The following LRRTM4 variants were observed in gnomAD, a reference collection of about 807,000 sequenced individuals.
LRRTM4 encodes leucine rich repeat transmembrane neuronal 4.
Under a neutral mutation model 47.6 loss-of-function variants are expected in LRRTM4, and 25 were observed. The ratio of observed to expected loss-of-function variants is 0.53; its 90% CI spans 0.38 to 0.73. LRRTM4 has a LOEUF of 0.73. LRRTM4 is among the 30% of genes least tolerant of loss of function. The pLI is 0.00. For missense variants in LRRTM4, 638 were observed against 713.4 expected (o/e 0.89, Z 1.20); for synonymous variants, 311 against 269.5 (o/e 1.15, Z -1.51).
chr2:77,380,809 G>A (rs574128741), intron 3 of LRRTM4, among the ~76,000 whole-genome samples: 127 of 151,316 alleles, frequency 8.4e-4, no homozygotes, highest in Non-Finnish European at 1.6e-3. Flanking sequence ...AAAAAAAAAG[G>A]AAAAAGACTT....
intron 3 of LRRTM4, among the ~76,000 whole-genome samples, chr2:77,309,035 A>C (rs1677371716): frequency 6.6e-6 from 1 of 152,206 alleles, no homozygotes; most frequent in South Asian, 2.1e-4. Flanking sequence ...ATGTAAATAA[A>C]AGGAAGGCTG....
chr2:76,795,125 CAA>C lies in LRRTM4; in HGVS notation c.1552-46211_1552-46210del, dbSNP rs534283356. 2.4e-3 allele frequency among the ~76,000 whole-genome samples: 358 copies of C among 151,704 alleles called. 5 individuals carry two copies. The highest frequency in any genetic ancestry group is 8.3e-3 in the African/African-American group (343 of 41,370). On this transcript the variant is annotated intron_variant, in intron 3 of 3. Coordinates refer to ENST00000409884, the MANE Select transcript of LRRTM4 (RefSeq NM_001134745.3). ...TGCTCAATACCGAGAGATTTACTAA[CAA>C]TAATATTAAAGTGGACAAAATATAT...
intron 3 of LRRTM4, among the ~76,000 whole-genome samples, chr2:76,917,127 A>G (rs1674279370): frequency 6.6e-6 from 1 of 152,178 alleles, no homozygotes; most frequent in Non-Finnish European, 1.5e-5. Flanking sequence ...TGTGAATTGT[A>G]TAGTCTTTGT....
chr2:77,191,598 A>G (rs1673670975), intron 3 of LRRTM4, among the ~76,000 whole-genome samples: 1 of 151,940 alleles, frequency 6.6e-6, no homozygotes, highest in African/African-American at 2.4e-5. Context: ...TAAAAAGATT[A>G]CCATTATAAG....
intron 3 of LRRTM4, among the ~76,000 whole-genome samples, chr2:77,383,338 G>A (rs1673135380): frequency 6.6e-6 from 1 of 151,818 alleles, no homozygotes; most frequent in Admixed American, 6.6e-5. Flanking sequence ...CTTTTCCTGT[G>A]GGGTTTTCTG....
At chr2:77,424,457 G>A (rs745651682) in intron 3 of LRRTM4, among the ~76,000 whole-genome samples, 10 of 152,032 alleles carry the variant, frequency 6.6e-5, no homozygotes, top group Admixed American at 1.3e-4. Flanking sequence ...AGAAAATACC[G>A]GGTAAACTCT....
rs138014403 is a variant in LRRTM4, at chr2:77,333,113, C to T, written c.1551+185205G>A. Among the ~76,000 whole-genome samples, 182 of 152,310 alleles carry T rather than the reference C, an allele frequency of 1.2e-3. 1 individual carries two copies. Among genetic ancestry groups the T allele is most frequent in the African/African-American group, 4.2e-3 (173 of 41,570 alleles). On this transcript the variant is annotated intron_variant, in intron 3 of 3. Transcript: ENST00000409884. Reference sequence around the variant, plus strand: ...GTGACTTGCTCTTCTTTGCCTTTCACCTTCTGCCATTATTGTGAGGACTTC... The same window carrying T: ...GTGACTTGCTCTTCTTTGCCTTTCATCTTCTGCCATTATTGTGAGGACTTC...
intron 3 of LRRTM4, among the ~76,000 whole-genome samples, chr2:77,204,903 T>C: frequency 6.6e-6 from 1 of 152,184 alleles, no homozygotes; most frequent in Non-Finnish European, 1.5e-5. Flanking sequence ...ACCCATCAGA[T>C]ATAAAATCAG....
In LRRTM4 at chr2:76,748,179, T is replaced by A. The variant is rs1169802397; in HGVS notation, c.*516A>T. 1 of 152,594 alleles carries A rather than the reference T, an allele frequency of 6.6e-6. No homozygotes were observed. Among genetic ancestry groups the A allele is most frequent in the African/African-American group, 2.4e-5 (1 of 41,254 alleles). The allele number at this position is 152,594 out of a possible 1,614,324, so 9.5% of individuals were successfully genotyped here. On this transcript the variant is annotated 3_prime_UTR_variant, in exon 4 of 4. Transcript: ENST00000409884. ...GAAACTTGACCAGGAAAGAAAAAAATTAAAACAAACAAAACAAGAACAAAC... is the reference window on the plus strand; with the variant it reads ...GAAACTTGACCAGGAAAGAAAAAAAATAAAACAAACAAAACAAGAACAAAC...
intron 3 of LRRTM4, among the ~76,000 whole-genome samples, chr2:77,127,235 T>C: frequency 6.6e-6 from 1 of 152,244 alleles, no homozygotes; most frequent in Non-Finnish European, 1.5e-5. Context: ...CATAGGATTT[T>C]GAGCCCAAAA....
At chr2:77,462,635 G>A (rs1200557399) in intron 3 of LRRTM4, among the ~76,000 whole-genome samples, 2 of 152,048 alleles carry the variant, frequency 1.3e-5, no homozygotes, top group Admixed American at 6.6e-5. Context: ...CAGGTGGCAG[G>A]AAGATCTACC....
At chr2:77,252,461 T>C (rs1470076) in intron 3 of LRRTM4, among the ~76,000 whole-genome samples, 103,268 of 151,986 alleles carry the variant, frequency 0.68, 35,516 homozygotes, top group African/African-American at 0.8. Flanking sequence ...AGAAGACCCA[T>C]GCTATACTTG....
At chr2:77,426,933 G>C (rs966749432) in intron 3 of LRRTM4, among the ~76,000 whole-genome samples, 1 of 151,048 alleles carries the variant, frequency 6.6e-6, no homozygotes, top group South Asian at 2.1e-4. Flanking sequence ...ATGGATGGCT[G>C]CCTGTATTCC....
At chr2:76,929,922 AGTTTGTGT>A (rs1674713826) in intron 3 of LRRTM4, among the ~76,000 whole-genome samples, 1 of 102,286 alleles carries the variant, frequency 9.8e-6, no homozygotes, top group Non-Finnish European at 1.9e-5. Context: ...TTGCAATTAG[AGTTTGTGT>A]GTGTGTGTGT....
chr2:77,480,561 T>A (rs1677636375), intron 3 of LRRTM4, among the ~76,000 whole-genome samples: 1 of 152,104 alleles, frequency 6.6e-6, no homozygotes, highest in Admixed American at 6.5e-5. Context: ...GAAAATCAAT[T>A]AATGTATCAT....
In LRRTM4 at chr2:77,179,338, T is replaced by C. The variant is rs1673286771; in HGVS notation, c.1551+338980A>G. On this transcript the variant is annotated intron_variant, in intron 3 of 3. Transcript: ENST00000409884. ...TCTAATTTGGCATTGTACCTAACAGTAAGTAAAAAAAGTCAATGAACAAAG... is the reference window on the plus strand; with the variant it reads ...TCTAATTTGGCATTGTACCTAACAGCAAGTAAAAAAAGTCAATGAACAAAG... Among the ~76,000 whole-genome samples the C allele has an allele frequency of 4.6e-5, 7 of 152,294 alleles. No homozygotes were observed. The South Asian group carries it at 1.5e-3, about 32-fold the overall frequency.
chr2:77,415,140 C>T (rs766755518), intron 3 of LRRTM4, among the ~76,000 whole-genome samples: 9 of 152,182 alleles, frequency 5.9e-5, no homozygotes, highest in Non-Finnish European at 1.0e-4. Flanking sequence ...CTTAAGAAGA[C>T]ATAAGTTTGC....
At chr2:77,249,898 C>A (rs1034370983) in intron 3 of LRRTM4, among the ~76,000 whole-genome samples, 2 of 152,010 alleles carry the variant, frequency 1.3e-5, no homozygotes, top group Non-Finnish European at 2.9e-5. Context: ...TTCATAATTG[C>A]CAAAACTTGA....
At chr2:76,757,799 C>T (rs922921483) in intron 3 of LRRTM4, among the ~76,000 whole-genome samples, 3 of 152,074 alleles carry the variant, frequency 2.0e-5, no homozygotes, top group Admixed American at 6.6e-5. Flanking sequence ...AAACGGAAAA[C>T]AGTGATTATT....
Sources: allele counts gnomAD v4.1 joint callset (sites outside exome capture counted in the v4.1 genomes callset), GRCh38; gene constraint gnomAD v4.1.1; transcripts MANE v1.5; gene names NCBI Gene and HGNC (gene_info 2026-07-23, HGNC 2026-07-21).